Variants in KANK1 observed in about 807,000 individuals in gnomAD.
KANK1 encodes KN motif and ankyrin repeat domains 1, also known as KN motif and ankyrin repeat domain-containing protein 1.
In KANK1, 109 loss-of-function variants were observed where a neutral mutation model predicts 106.2. The ratio of observed to expected loss-of-function variants is 1.03; its 90% CI spans 0.88 to 1.20. The LOEUF (loss-of-function observed/expected upper bound fraction) is 1.20, where lower values mean the gene tolerates loss of function less well. Among genes scored for constraint, KANK1 ranks in the 50% most tolerant of loss-of-function variants. The pLI is 0.00. For missense variants in KANK1, 2,399 were observed against 1,710.7 expected, an observed-to-expected ratio of 1.40 and a Z score of -7.10; for synonymous variants, 873 against 652.2, an observed-to-expected ratio of 1.34 and a Z score of -5.16.
intron 1 of KANK1, among the ~76,000 whole-genome samples, chr9:626,341 G>C (rs1222457756): frequency 6.6e-6 from 1 of 152,062 alleles, no homozygotes; most frequent in Non-Finnish European, 1.5e-5. Context: ...TGTAGTCCCA[G>C]CTACTCGGAA....
chr9:640,166 C>G (rs1005660958), intron 1 of KANK1, among the ~76,000 whole-genome samples: 5 of 152,180 alleles, frequency 3.3e-5, no homozygotes, highest in Non-Finnish European at 5.9e-5. Flanking sequence ...AGACTCTTGG[C>G]TTCTCATTCT....
intron 1 of KANK1, among the ~76,000 whole-genome samples, chr9:566,106 A>G (rs953331968): frequency 3.3e-5 from 5 of 152,204 alleles, no homozygotes; most frequent in South Asian, 2.1e-4. Context: ...TATAAGTGAC[A>G]ACGTGTAGTA....
intron 1 of KANK1, among the ~76,000 whole-genome samples, chr9:630,152 G>T (rs944830080): frequency 6.6e-6 from 1 of 152,084 alleles, no homozygotes; most frequent in Non-Finnish European, 1.5e-5. Context: ...GGAGGCATAG[G>T]TGGGAGGACT....
At chr9:743,709 A>G (rs1836351793) in intron 10 of KANK1, among the ~76,000 whole-genome samples, 1 of 152,126 alleles carries the variant, frequency 6.6e-6, no homozygotes, top group Non-Finnish European at 1.5e-5. Flanking sequence ...CTACAAAAAA[A>G]AAATTATCTA....
At chr9:504,779 C>CGCGCCCCGTGCTGCGCT (rs1554723217) in intron 1 of KANK1, 25 bp downstream of exon 1, 68 of 140,920 alleles carry the variant, frequency 4.8e-4, no homozygotes, top group African/African-American at 1.8e-3. Flanking sequence ...GGGGCCGTGC[C>CGCGCCCCGTGCTGCGCT]GCGCCCCGTG....
At chr9:547,193 C>T (rs1338885672) in intron 1 of KANK1, 1 of 152,146 alleles carries the variant, frequency 6.6e-6, no homozygotes, top group African/African-American at 2.4e-5. Context: ...CTGTGTTTTG[C>T]TCAGTACAAA....
intron 1 of KANK1, chr9:660,338 C>T (rs75408854): frequency 0.019 from 3,893 of 207,282 alleles, 167 homozygotes; most frequent in African/African-American, 0.086. Context: ...TGCTGTGGCT[C>T]GCTGAAGCTT....
At chr9:499,551 G>GC (rs1207781899) in intron 3 of KANK1, among the ~76,000 whole-genome samples, 1 of 152,100 alleles carries the variant, frequency 6.6e-6, no homozygotes, top group African/African-American at 2.4e-5. Flanking sequence ...GCTACCAACT[G>GC]CCATCCTTGC....
intron 8 of KANK1, among the ~76,000 whole-genome samples, chr9:739,265 T>A (rs988743718): frequency 6.6e-6 from 1 of 152,208 alleles, no homozygotes; most frequent in Non-Finnish European, 1.5e-5. Context: ...ATACATATTT[T>A]TATTTCTAGT....
intron 2 of KANK1, among the ~76,000 whole-genome samples, chr9:709,355 A>G (rs1029203834): frequency 1.3e-5 from 2 of 152,218 alleles, no homozygotes; most frequent in East Asian, 1.9e-4. Context: ...TTGTAAGCCC[A>G]TGGAGGTAGT....
intron 1 of KANK1, among the ~76,000 whole-genome samples, chr9:522,178 A>G (rs772158853): frequency 2.8e-4 from 43 of 151,722 alleles, no homozygotes; most frequent in Non-Finnish European, 4.4e-4. Context: ...CATGATGGTT[A>G]TTTACTAATT....
At chr9:624,073 T>G (rs796353900) in intron 1 of KANK1, among the ~76,000 whole-genome samples, 11 of 152,324 alleles carry the variant, frequency 7.2e-5, no homozygotes, top group African/African-American at 2.6e-4. Context: ...AGCCTGCCAT[T>G]TGCAACAACA....
At chr9:523,425 C>G (rs1416104321) in intron 1 of KANK1, among the ~76,000 whole-genome samples, 1 of 151,772 alleles carries the variant, frequency 6.6e-6, no homozygotes, top group Non-Finnish European at 1.5e-5. Flanking sequence ...ACTGCACTAG[C>G]CTGATACCTG....
At chr9:588,015 G>C (rs1823926468) in intron 1 of KANK1, among the ~76,000 whole-genome samples, 1 of 151,686 alleles carries the variant, frequency 6.6e-6, no homozygotes, top group Non-Finnish European at 1.5e-5. Flanking sequence ...GCATTGTGCT[G>C]AGATTGCACC....
At position 713,250 on chromosome 9, in the gene KANK1, G is replaced by A; in HGVS notation, c.2484G>A (p.Glu828=). The change falls in exon 3 of 12, where the codon GAG becomes GAA. Residue 828 remains glutamate (E), a synonymous_variant. Transcript: ENST00000382297. ...GMMTGLDHYI[E]RIQKLLAEQQ... is the part of the protein sequence containing the mutation. Reference sequence around the variant, plus strand: ...TGACTGGCCTGGATCACTACATTGAGCGTATCCAGAAGCTGCTGGCAGAAC... The same window carrying A: ...TGACTGGCCTGGATCACTACATTGAACGTATCCAGAAGCTGCTGGCAGAAC... 6.2e-7 allele frequency: 1 copy of A among 1,610,066 alleles called. No individual in the cohort carries two copies.
chr9:639,028 C>T (rs1475228898), intron 1 of KANK1, among the ~76,000 whole-genome samples: 2 of 152,122 alleles, frequency 1.3e-5, no homozygotes, highest in Admixed American at 1.3e-4. Flanking sequence ...TAGTGCATAA[C>T]AGAAATCACA....
rs1835191330 is a variant in KANK1 at position 740,672 on chromosome 9, C to G, written c.3554-120C>G. On this transcript the variant is annotated intron_variant, in intron 8 of 11. Transcript: ENST00000382297. ...TTTCCTTCTAAGTCACTCTTGGTCT[C>G]CAGCCACCTGGTACCATTTCACTGG... is the stretch of plus-strand genomic sequence containing the variant. 25 of 1,141,190 alleles carry G rather than the reference C, an allele frequency of 2.2e-5. No individual in the cohort carries two copies. The South Asian group carries it at 3.6e-4, about 16-fold the overall frequency. 70.7% of individuals were successfully genotyped at this position (1,141,190 alleles called of 1,614,324 possible). A position where few individuals can be genotyped will look rare whatever the true frequency, so the allele number is the denominator to read the frequency against.
intron 3 of KANK1, among the ~76,000 whole-genome samples, chr9:496,703 C>G (rs1227411221): frequency 6.6e-6 from 1 of 152,186 alleles, no homozygotes; most frequent in Non-Finnish European, 1.5e-5. Flanking sequence ...TGTATCATCT[C>G]CCTTTAAAGG....
At chr9:575,737 C>G (rs1820382032) in intron 1 of KANK1, among the ~76,000 whole-genome samples, 1 of 150,456 alleles carries the variant, frequency 6.6e-6, no homozygotes, top group African/African-American at 2.4e-5. Flanking sequence ...AAGCAATAAG[C>G]TTGGCCGGGC....
Sources: gnomAD v4.1 joint callset for allele counts (sites outside exome capture counted in the v4.1 genomes callset) on GRCh38, gnomAD v4.1.1 for gene constraint, MANE v1.5 for transcripts, NCBI Gene and HGNC (gene_info 2026-07-23, HGNC 2026-07-21) for gene names.